The following CORO2B variants were observed in gnomAD, a reference collection of about 807,000 sequenced individuals.
CORO2B encodes coronin 2B.
In CORO2B, 26 loss-of-function variants were observed where a neutral mutation model predicts 58.8. The observed-to-expected ratio is 0.44, with a 90% CI of 0.32 to 0.61. CORO2B has a LOEUF of 0.61. Among genes scored for constraint, CORO2B ranks in the 20% least tolerant of loss-of-function variants. The pLI, the probability that CORO2B is intolerant of heterozygous loss-of-function variation, is 0.04. For synonymous variants in CORO2B, 242 were observed against 253.8 expected, an observed-to-expected ratio of 0.95 and a Z score of 0.44; for missense variants, 460 against 645.1, an observed-to-expected ratio of 0.71 and a Z score of 3.11.
At chr15:68,586,866 C>G (rs1899572665) in intron 1 of CORO2B, among the ~76,000 whole-genome samples, 1 of 152,130 alleles carries the variant, frequency 6.6e-6, no homozygotes, top group Non-Finnish European at 1.5e-5. Context: ...GCCAGAGGCC[C>G]TCCTGGCTCT....
chr15:68,673,635 C>G (rs1320838460), intron 2 of CORO2B, among the ~76,000 whole-genome samples: 1 of 151,958 alleles, frequency 6.6e-6, no homozygotes, highest in Non-Finnish European at 1.5e-5. Flanking sequence ...GTCAGGAGTT[C>G]GAGACCAGCT....
At chr15:68,558,103 G>A in the CORO2B span, among the ~76,000 whole-genome samples, 1 of 152,316 alleles carries the variant, frequency 6.6e-6, no homozygotes, top group Non-Finnish European at 1.5e-5. Context: ...CGGGCAGAGA[G>A]GCTTCAGTAG....
chr15:68,531,533 AAGGAAGGAAGGAAGGAAGGAAG>A, the CORO2B span, among the ~76,000 whole-genome samples: 3 of 135,426 alleles, frequency 2.2e-5, no homozygotes, highest in African/African-American at 8.2e-5. Flanking sequence ...GGAAGGAAGG[AAGGAAGGAAGGAAGGAAGGAAG>A]GAAAGAAAGA....
chr15:68,596,659 A>G (rs1328126377), intron 1 of CORO2B, among the ~76,000 whole-genome samples: 1 of 152,126 alleles, frequency 6.6e-6, no homozygotes, highest in African/African-American at 2.4e-5. Flanking sequence ...CCCAGCAGCC[A>G]TGTTGAGGTG....
chr15:68,519,891 C>T, the CORO2B span, among the ~76,000 whole-genome samples: 1 of 152,214 alleles, frequency 6.6e-6, no homozygotes, highest in East Asian at 1.9e-4. Flanking sequence ...TTCAGCCTTT[C>T]ACTTTTTCTA....
intron 2 of CORO2B, among the ~76,000 whole-genome samples, chr15:68,671,259 G>A (rs1456781814): frequency 6.6e-6 from 1 of 152,054 alleles, no homozygotes; most frequent in Non-Finnish European, 1.5e-5. Flanking sequence ...TTTTTCTGTT[G>A]TTGTTTTTTT....
chr15:68,536,693 TA>T, the CORO2B span, among the ~76,000 whole-genome samples: 1 of 152,360 alleles, frequency 6.6e-6, no homozygotes, highest in East Asian at 1.9e-4. Flanking sequence ...CATGGCCAGC[TA>T]AAAACTAAAT....
intron 1 of CORO2B, among the ~76,000 whole-genome samples, chr15:68,592,419 T>G (rs1362608769): frequency 6.6e-6 from 1 of 152,166 alleles, no homozygotes; most frequent in East Asian, 1.9e-4. Flanking sequence ...AGTGGTTACC[T>G]GGGGTGGGGA....
intron 1 of CORO2B, among the ~76,000 whole-genome samples, chr15:68,633,784 G>C (rs937096): frequency 0.38 from 57,237 of 151,892 alleles, 11,315 homozygotes; most frequent in South Asian, 0.63. Flanking sequence ...CCGGCAGATC[G>C]TCCTTCTCTT....
intron 1 of CORO2B, among the ~76,000 whole-genome samples, chr15:68,599,377 G>C (rs1899917222): frequency 6.6e-6 from 1 of 152,186 alleles, no homozygotes; most frequent in Admixed American, 6.5e-5. Context: ...GGGTGCTCCT[G>C]CTGTGCCTGG....
At chr15:68,532,589 T>C in the CORO2B span, among the ~76,000 whole-genome samples, 3 of 152,258 alleles carry the variant, frequency 2.0e-5, no homozygotes, top group Non-Finnish European at 4.4e-5. Flanking sequence ...CCTTGTTTGC[T>C]AATCTTGTCA....
chr15:68,710,756 G>C lies in CORO2B; in HGVS notation c.358G>C (p.Gly120Arg), dbSNP rs1160224442. Reference protein sequence around the residue: ...TSVRIWEIPEGGLKRNMTEAL... With the variant: ...TSVRIWEIPERGLKRNMTEAL... ...GGTGCGGATCTGGGAGATCCCCGAG[G>C]GCGGGCTGAAGCGGAACATGACGGA... Residue 120 changes from glycine to arginine, a missense_variant, in exon 4 of 12, where the codon GGC (glycine) becomes CGC (arginine). Gly to Arg is a moderately radical substitution (Grantham distance 125). Coordinates refer to ENST00000261861, the MANE Select transcript of CORO2B (RefSeq NM_006091.5). This position sits in a 1 kb window ranked among gnomAD's most constrained non-coding sequence, Gnocchi z 4.1. 6.2e-7 allele frequency: 1 copy of C among 1,610,348 alleles called. No individual in the cohort carries two copies. The highest frequency in any genetic ancestry group is 8.5e-7 in the Non-Finnish European group (1 of 1,178,392).
chr15:68,591,271 G>A (rs189330536), intron 1 of CORO2B, among the ~76,000 whole-genome samples: 37 of 152,378 alleles, frequency 2.4e-4, no homozygotes, highest in African/African-American at 8.4e-4. Flanking sequence ...AGCATGAGTA[G>A]GCAGAGGCAG....
intron 1 of CORO2B, among the ~76,000 whole-genome samples, chr15:68,604,111 A>G (rs1217741460): frequency 3.9e-5 from 6 of 152,146 alleles, no homozygotes; most frequent in Admixed American, 3.3e-4. Context: ...TTTGGCACAG[A>G]GCCCGGCACA....
the CORO2B span, among the ~76,000 whole-genome samples, chr15:68,535,941 T>C: frequency 6.6e-6 from 1 of 152,112 alleles, no homozygotes; most frequent in Non-Finnish European, 1.5e-5. Flanking sequence ...AAATGATATA[T>C]GATTTGTAAT....
At chr15:68,552,807 G>C in the CORO2B span, among the ~76,000 whole-genome samples, 5 of 152,156 alleles carry the variant, frequency 3.3e-5, no homozygotes, top group African/African-American at 4.8e-5. Context: ...TCCTCAAGAA[G>C]TTCTCCCAAC....
At chr15:68,703,276 G>A (rs751606183) in intron 3 of CORO2B, among the ~76,000 whole-genome samples, 3 of 147,864 alleles carry the variant, frequency 2.0e-5, no homozygotes, top group East Asian at 2.0e-4. Context: ...TCAGCTTCCC[G>A]AGTAGCTGGG....
the CORO2B span, among the ~76,000 whole-genome samples, chr15:68,541,854 C>T: frequency 1.3e-5 from 2 of 152,140 alleles, no homozygotes. Flanking sequence ...AGTTCTCCGT[C>T]TGTGTGGCTC....
chr15:68,637,807 C>T (rs1201632620), intron 1 of CORO2B, among the ~76,000 whole-genome samples: 1 of 152,178 alleles, frequency 6.6e-6, no homozygotes, highest in Non-Finnish European at 1.5e-5. Flanking sequence ...GTGAATGTAG[C>T]CACATTGCCC....
Sources: gnomAD v4.1 joint callset for allele counts (sites outside exome capture counted in the v4.1 genomes callset) on GRCh38, gnomAD v4.1.1 for gene constraint, Gnocchi (gnomAD v3.1) non-coding constraint, MANE v1.5 for transcripts, NCBI Gene and HGNC (gene_info 2026-07-23, HGNC 2026-07-21) for gene names.